ABCA6: variants seen among roughly 807,000 people sequenced by gnomAD.
ABCA6 encodes ATP-binding cassette sub-family A member 6.
ABCA6 carries 164 observed loss-of-function variants against 191.2 expected under a neutral mutation model. The ratio of observed to expected loss-of-function variants is 0.86; its 90% CI spans 0.76 to 0.98. The LOEUF (loss-of-function observed/expected upper bound fraction) is 0.98. Ranked by LOEUF, ABCA6 falls within the 50% of genes least tolerant of loss-of-function variation. The pLI is 0.00. For missense variants in ABCA6, 1,958 were observed against 1,894.1 expected (o/e 1.03, Z -0.63); for synonymous variants, 636 against 647.7 (o/e 0.98, Z 0.27).
chr17:69,105,321 G>A (rs966689714), intron 20 of ABCA6, 141 bp downstream of exon 20: 2 of 806,946 alleles, frequency 2.5e-6, no homozygotes, highest in Middle Eastern at 3.7e-4. Context: ...AATCTGCACT[G>A]TTCCTCATAA....
chr17:69,114,644 C>A, intron 13 of ABCA6, 118 bp downstream of exon 13: 2 of 961,296 alleles, frequency 2.1e-6, no homozygotes, highest in Non-Finnish European at 1.5e-6. Flanking sequence ...TGTTATGGGA[C>A]CTCTTTGCCT....
At position 69,134,814 on chromosome 17, in the gene ABCA6, A is replaced by G; in HGVS notation, c.461-72T>C. On this transcript the variant is annotated intron_variant, in intron 4 of 38. Transcript: ENST00000284425. ...GTTGGAGAATATGAAACAAGTATTG[A>G]AAAGAAAACAATCTAGAGGAGACTC... 3 of 1,078,732 alleles carry G rather than the reference A, an allele frequency of 2.8e-6. No individual in the cohort carries two copies. In the South Asian group the frequency reaches 4.0e-5, roughly 14 times the overall value. 66.8% of individuals were successfully genotyped at this position (1,078,732 alleles called of 1,614,324 possible). A position where few individuals can be genotyped will look rare whatever the true frequency, so the allele number is the denominator to read the frequency against.
At chr17:69,122,103 C>G (rs1483105870) in intron 10 of ABCA6, among the ~76,000 whole-genome samples, 1 of 152,012 alleles carries the variant, frequency 6.6e-6, no homozygotes, top group African/African-American at 2.4e-5. Context: ...ACTGTAGAGC[C>G]AGACTATCTG....
chr17:69,096,911 T>C, intron 23 of ABCA6, 110 bp from the exon 24 acceptor site: 1 of 944,804 alleles, frequency 1.1e-6, no homozygotes, highest in Non-Finnish European at 1.5e-6. Context: ...TATAATCTAA[T>C]CTTCTAATAT....
At chr17:69,084,224 G>T in intron 34 of ABCA6, 37 bp downstream of exon 34, 1 of 1,597,148 alleles carries the variant, frequency 6.3e-7, no homozygotes, top group Non-Finnish European at 8.6e-7. Flanking sequence ...CTTCCCTAAT[G>T]TGCATGCTCG....
Position 69,096,249 on chromosome 17 carries a change from G to A in ABCA6, c.3399C>T (p.Tyr1133=). The change falls in exon 25 of 39, where the codon TAC becomes TAT. Residue 1133 remains tyrosine (Y), a synonymous_variant. Coordinates refer to ENST00000284425, the MANE Select transcript of ABCA6 (RefSeq NM_080284.3). ...RRKNSGLWSF[Y]FFFASTIMFS... ...TGTATTATATACTTACAAAAAAGAA[G>A]TAAAATGACCAAAGGCCACTGTTTT... 6.8e-7 allele frequency: 1 copy of A among 1,460,044 alleles called. No homozygotes were observed. Among genetic ancestry groups the A allele is most frequent in the Non-Finnish European group, 9.2e-7 (1 of 1,082,810 alleles). 90.4% of individuals were successfully genotyped at this position (1,460,044 alleles called of 1,614,324 possible).
chr17:69,110,121 C>T (rs1273810582), intron 17 of ABCA6: 2 of 152,140 alleles, frequency 1.3e-5, no homozygotes, highest in Non-Finnish European at 2.9e-5. Context: ...AAGACATGAA[C>T]AGAAATGTTT....
chr17:69,122,681 T>G (rs1050159859), intron 10 of ABCA6, among the ~76,000 whole-genome samples: 37 of 151,660 alleles, frequency 2.4e-4, no homozygotes, highest in African/African-American at 8.2e-4. Context: ...GTTCACAGAA[T>G]GAAAGGAGCA....
At chr17:69,133,479 T>C (rs1314690500) in intron 6 of ABCA6, among the ~76,000 whole-genome samples, 162 bp downstream of exon 6, 1 of 152,190 alleles carries the variant, frequency 6.6e-6, no homozygotes, top group Non-Finnish European at 1.5e-5. Context: ...TAAGCACTAT[T>C]TTGCATGGCA....
intron 2 of ABCA6, among the ~76,000 whole-genome samples, chr17:69,139,176 A>G (rs2073991734): frequency 6.6e-6 from 1 of 152,202 alleles, no homozygotes; most frequent in Non-Finnish European, 1.5e-5. Context: ...AAAACGGGAG[A>G]AAATTTTCCC....
rs1269000247 is a variant in ABCA6, at chr17:69,078,723, T to G, written c.*250A>C. On this transcript the variant is annotated 3_prime_UTR_variant, in exon 39 of 39. Transcript: ENST00000284425. ...AAAATTCTAAGTTTATATAGTTTTA[T>G]TTCCACAATACCCAGTGCCTGACTC... 2 of 306,756 alleles carry G rather than the reference T, an allele frequency of 6.5e-6. No individual in the cohort carries two copies. The highest frequency in any genetic ancestry group is 1.2e-5 in the Non-Finnish European group (2 of 170,366). 19.0% of individuals were successfully genotyped at this position (306,756 alleles called of 1,614,324 possible).
intron 6 of ABCA6, among the ~76,000 whole-genome samples, chr17:69,131,333 A>G (rs954334900): frequency 1.3e-5 from 2 of 152,222 alleles, no homozygotes. Flanking sequence ...ATTTCATGCC[A>G]TTACAATAAT....
chr17:69,137,187 A>T, intron 3 of ABCA6, 109 bp downstream of exon 3: 1 of 1,022,392 alleles, frequency 9.8e-7, no homozygotes, highest in Non-Finnish European at 1.4e-6. Flanking sequence ...TTTAGTACTT[A>T]AGTTATTAGC....
intron 20 of ABCA6, among the ~76,000 whole-genome samples, chr17:69,103,713 G>A (rs573625235): frequency 1.2e-4 from 18 of 151,964 alleles, no homozygotes; most frequent in African/African-American, 4.1e-4. Flanking sequence ...GGGTCGTGAC[G>A]TATACCTGGG....
intron 4 of ABCA6, 100 bp downstream of exon 4, chr17:69,135,992 T>C: frequency 8.8e-7 from 1 of 1,135,026 alleles, no homozygotes; most frequent in African/African-American, 1.5e-5. Context: ...TTCCCTGTTT[T>C]CTCATGTGTC....
chr17:69,137,494 C>T lies in ABCA6; in HGVS notation c.103G>A (p.Gly35Ser). 1.9e-6 allele frequency: 3 copies of T among 1,611,592 alleles called. No individual in the cohort carries two copies. Among genetic ancestry groups the T allele is most frequent in the Non-Finnish European group, 2.5e-6 (3 of 1,178,998 alleles). The stretch of plus-strand genomic sequence containing the variant: ...CACAGTCCTAGAAGTATTGAGAGGC[C>T]CCATTCCTGTAATGCATATAAAAAG... ...RMKRESLLEW[G>S]LSILLGLCIA... The change falls in exon 3 of 39, where the codon GGC becomes AGC. Residue 35 changes from glycine to serine, a missense_variant. By Grantham distance (56) the Gly-to-Ser change is moderately conservative. Transcript: ENST00000284425.
chr17:69,096,779 C>A lies in ABCA6; in HGVS notation c.3143G>T (p.Trp1048Leu). The A allele has an allele frequency of 6.5e-7, 1 of 1,531,976 alleles. No individual in the cohort carries two copies. The highest frequency in any genetic ancestry group is 1.3e-5 in the South Asian group (1 of 74,436). The allele number at this position is 1,531,976 out of a possible 1,614,324, so 94.9% of individuals were successfully genotyped here. A position where few individuals can be genotyped will look rare whatever the true frequency, so the allele number is the denominator to read the frequency against. ...AGCAGAAGTGTAGAGGCCTGAAATC[C>A]ATAGCTGGGACTTAGCATTTTTCTG... ...DYKKNAKSQL[W>L]ISGLYTSAYW... The change falls in exon 24 of 39, where the codon TGG becomes TTG. Residue 1048 changes from tryptophan (W) to leucine (L), a missense_variant. Trp to Leu is a moderately conservative substitution (Grantham distance 61). Transcript: ENST00000284425.
At position 69,085,087 on chromosome 17, in the gene ABCA6, C is replaced by T. The variant is rs1018158239; in HGVS notation, c.4125G>A (p.Leu1375=). ...LWPMLTLREH[L]EVYAAVKGLR... ...GCCCCTTGACGGCAGCATACACCTC[C>T]AGGTGTTCCCTCAACGTCAGCATGG... The change falls in exon 32 of 39, where the codon CTG becomes CTA. Residue 1375 remains leucine, a synonymous_variant. Transcript: ENST00000284425. The T allele has an allele frequency of 1.9e-6, 3 of 1,613,796 alleles. No individual in the cohort carries two copies. Among genetic ancestry groups the T allele is most frequent in the Non-Finnish European group, 2.5e-6 (3 of 1,179,874 alleles).
intron 11 of ABCA6, among the ~76,000 whole-genome samples, chr17:69,117,123 A>G (rs955560598): frequency 1.3e-5 from 2 of 152,232 alleles, no homozygotes; most frequent in Middle Eastern, 3.4e-3. Flanking sequence ...ATACAAATAC[A>G]TTAAATTCTC....
Sources: allele counts gnomAD v4.1 joint callset (sites outside exome capture counted in the v4.1 genomes callset), GRCh38; gene constraint gnomAD v4.1.1; transcripts MANE v1.5; gene names NCBI Gene and HGNC (gene_info 2026-07-23, HGNC 2026-07-21).